The following ZNF90 variants were observed in gnomAD, a reference collection of about 807,000 sequenced individuals.
ZNF90 encodes the protein zinc finger protein HTF9.
In ZNF90, 11 loss-of-function variants were observed where a neutral mutation model predicts 12.0. That is an observed-to-expected ratio of 0.92 (90% CI 0.58 to 1.52). The LOEUF (loss-of-function observed/expected upper bound fraction) is 1.52, where lower values mean the gene tolerates loss of function less well. ZNF90 is among the 40% of genes most tolerant of loss of function. The pLI, the probability that ZNF90 is intolerant of heterozygous loss-of-function variation, is 0.00. For synonymous variants in ZNF90, 232 were observed against 240.1 expected (o/e 0.97, Z 0.31); for missense variants, 765 against 711.5 (o/e 1.08, Z -0.86).
chr19:20,082,865 G>A (rs2088830793), intron 1 of ZNF90, among the ~76,000 whole-genome samples: 1 of 152,208 alleles, frequency 6.6e-6, no homozygotes, highest in South Asian at 2.1e-4. Flanking sequence ...GAATGTCTCA[G>A]TGTAAAACCT....
At position 20,119,656 on chromosome 19, in the gene ZNF90, TCTC is replaced by T. The variant is rs2089179369; in HGVS notation, c.*297_*299del. 1.2e-5 allele frequency: 3 copies of T among 253,942 alleles called. No individual in the cohort carries two copies. In the South Asian group the frequency reaches 1.8e-4, roughly 15 times the overall value. The allele number at this position is 253,942 out of a possible 1,614,324, so 15.7% of individuals were successfully genotyped here. A position where few individuals can be genotyped will look rare whatever the true frequency, so the allele number is the denominator to read the frequency against. The stretch of plus-strand genomic sequence containing the variant: ...TTTTTTTAAGAAGGAGTTTCATGCT[TCTC>T]ACCCAGCCTGGAGTGCAATGGCACG... On this transcript the variant is annotated 3_prime_UTR_variant, in exon 4 of 4. Coordinates refer to ENST00000418063, the MANE Select transcript of ZNF90 (RefSeq NM_007138.2).
chr19:20,109,317 C>A (rs1018446944), intron 3 of ZNF90, among the ~76,000 whole-genome samples: 7 of 152,052 alleles, frequency 4.6e-5, no homozygotes, highest in Admixed American at 1.3e-4. Context: ...GTAAATATGA[C>A]CCCAATTTTA....
At chr19:20,106,644 G>A (rs1599650053) in intron 3 of ZNF90, among the ~76,000 whole-genome samples, 1 of 152,222 alleles carries the variant, frequency 6.6e-6, no homozygotes, top group East Asian at 1.9e-4. Flanking sequence ...TAGTAGACAC[G>A]GGGTTTCACC....
chr19:20,103,275 A>G (rs112778402), intron 1 of ZNF90, among the ~76,000 whole-genome samples: 13 of 152,264 alleles, frequency 8.5e-5, no homozygotes, highest in African/African-American at 2.9e-4. Flanking sequence ...TTTATAAGGA[A>G]CCTGTTCTGC....
chr19:20,099,277 G>A (rs1035294338), intron 1 of ZNF90, among the ~76,000 whole-genome samples: 11 of 152,020 alleles, frequency 7.2e-5, no homozygotes, highest in Admixed American at 2.0e-4. Flanking sequence ...GGGTTCAAGC[G>A]ATTCTCTTCC....
At chr19:20,081,337 T>G (rs1018523849) in intron 1 of ZNF90, among the ~76,000 whole-genome samples, 1 of 151,970 alleles carries the variant, frequency 6.6e-6, no homozygotes, top group East Asian at 1.9e-4. Flanking sequence ...TACAAGTGAG[T>G]GCCACCACAC....
chr19:20,098,227 G>C (rs1055607579), intron 1 of ZNF90, among the ~76,000 whole-genome samples: 4 of 152,168 alleles, frequency 2.6e-5, no homozygotes, highest in Admixed American at 2.0e-4. Flanking sequence ...GATAAGGTCT[G>C]TCCTCTGCCA....
At position 20,117,974 on chromosome 19, in the gene ZNF90, C is replaced by T; in HGVS notation, c.420C>T (p.Thr140=). 6.2e-7 allele frequency: 1 copy of T among 1,613,410 alleles called. No homozygotes were observed. The change falls in exon 4 of 4, where the codon ACC becomes ACT. Residue 140 remains threonine (T), a synonymous_variant. Transcript: ENST00000418063. ...YNGLNQCLTA[T]QSKVFQCDTY... ...GACTTAACCAATGTTTGACAGCTAC[C>T]CAGAGCAAAGTATTTCAATGTGATA...
At chr19:20,090,560 C>T (rs1331989376) in intron 1 of ZNF90, among the ~76,000 whole-genome samples, 1 of 152,164 alleles carries the variant, frequency 6.6e-6, no homozygotes, top group African/African-American at 2.4e-5. Context: ...TCCCGTCCAT[C>T]GAGGTTGTAG....
chr19:20,100,275 TA>T (rs2088979102), intron 1 of ZNF90, among the ~76,000 whole-genome samples: 2 of 152,186 alleles, frequency 1.3e-5, no homozygotes, highest in Non-Finnish European at 2.9e-5. Flanking sequence ...TAGGCATTGA[TA>T]GCACCCATCA....
intron 1 of ZNF90, among the ~76,000 whole-genome samples, chr19:20,090,830 G>A (rs553571893): frequency 1.3e-5 from 2 of 152,318 alleles, no homozygotes; most frequent in South Asian, 2.1e-4. Context: ...TCTGAGAAGA[G>A]CAAGAGGTAA....
At chr19:20,109,376 T>C (rs1409026393) in intron 3 of ZNF90, among the ~76,000 whole-genome samples, 1 of 152,182 alleles carries the variant, frequency 6.6e-6, no homozygotes, top group Admixed American at 6.5e-5. Flanking sequence ...CTTGTCTAAG[T>C]GAGTAGTCAT....
intron 1 of ZNF90, among the ~76,000 whole-genome samples, chr19:20,080,878 ACT>A (rs113056765): frequency 0.019 from 2,904 of 152,042 alleles, 93 homozygotes; most frequent in African/African-American, 0.067. Context: ...CGTTCAGCAA[ACT>A]CTGCAGATTT....
At chr19:20,095,167 C>G (rs2088933507) in intron 1 of ZNF90, among the ~76,000 whole-genome samples, 1 of 151,910 alleles carries the variant, frequency 6.6e-6, no homozygotes, top group African/African-American at 2.4e-5. Flanking sequence ...GAAGGAGGAT[C>G]TGGGAGGAAT....
chr19:20,106,364 A>G (rs1210986561), intron 3 of ZNF90, among the ~76,000 whole-genome samples: 1 of 152,246 alleles, frequency 6.6e-6, no homozygotes, highest in African/African-American at 2.4e-5. Flanking sequence ...CTTCTGCCAC[A>G]TATTTCCAGT....
intron 2 of ZNF90, 111 bp downstream of exon 2, chr19:20,104,476 C>T (rs2089014975): frequency 1.6e-6 from 2 of 1,226,386 alleles, no homozygotes; most frequent in South Asian, 4.1e-5. Context: ...GTTTTAGATC[C>T]CCCTTTTCCT....
chr19:20,096,225 C>A lies in ZNF90; in HGVS notation c.4-8014C>A, dbSNP rs993120527. On this transcript the variant is annotated intron_variant, in intron 1 of 3. Transcript: ENST00000418063. ...TTGGTGAGATGTTTCTTGGGCTGGT[C>A]GGTCTGAGGACCTGAGGTCATAGGT... Among the ~76,000 whole-genome samples the A allele has an allele frequency of 6.6e-5, 10 of 152,206 alleles. No homozygotes were observed. The East Asian group carries it at 1.9e-3, about 30-fold the overall frequency.
At chr19:20,106,316 C>T (rs1599649837) in intron 3 of ZNF90, among the ~76,000 whole-genome samples, 1 of 151,786 alleles carries the variant, frequency 6.6e-6, no homozygotes, top group Non-Finnish European at 1.5e-5. Flanking sequence ...ACTTATTTTT[C>T]TTCAATTTCA....
intron 3 of ZNF90, among the ~76,000 whole-genome samples, chr19:20,111,788 C>T (rs2089091080): frequency 6.6e-6 from 1 of 151,998 alleles, no homozygotes; most frequent in Non-Finnish European, 1.5e-5. Context: ...AATACAAAAA[C>T]TATGCCTCTA....
Sources: gnomAD v4.1 joint callset for allele counts (sites outside exome capture counted in the v4.1 genomes callset) on GRCh38, gnomAD v4.1.1 for gene constraint, MANE v1.5 for transcripts, NCBI Gene and HGNC (gene_info 2026-07-23, HGNC 2026-07-21) for gene names.